The following ESRRG variants were observed in gnomAD, a reference collection of about 807,000 sequenced individuals.
The protein encoded by ESRRG is estrogen-related receptor gamma.
Under a neutral mutation model 44.0 loss-of-function variants are expected in ESRRG, and 13 were observed. That is an observed-to-expected ratio of 0.30 (90% CI 0.19 to 0.47). The LOEUF (loss-of-function observed/expected upper bound fraction) is 0.47. ESRRG is among the 20% of genes least tolerant of loss of function. The probability of loss-of-function intolerance (pLI) is 1.00; values close to 1 mark genes in which losing one functional copy is unlikely to be tolerated. For missense variants in ESRRG, 395 were observed against 580.6 expected (o/e 0.68, Z 3.29); for synonymous variants, 215 against 214.6 (o/e 1.00, Z -0.02).
chr1:216,551,744 T>C (rs929728473), intron 5 of ESRRG, among the ~76,000 whole-genome samples: 1 of 152,208 alleles, frequency 6.6e-6, no homozygotes, highest in African/African-American at 2.4e-5. Context: ...TGTTCAAAGA[T>C]GCTTCTATTT....
chr1:217,052,361 T>TG (rs1208561352), intron 1 of ESRRG, among the ~76,000 whole-genome samples: 1 of 152,202 alleles, frequency 6.6e-6, no homozygotes, highest in Non-Finnish European at 1.5e-5. Context: ...AAAGGCACTT[T>TG]GGGCAAGCCT....
chr1:216,862,804 G>A (rs967237502), intron 2 of ESRRG: 5 of 152,090 alleles, frequency 3.3e-5, no homozygotes, highest in African/African-American at 1.2e-4. Flanking sequence ...TTTGGGGTGA[G>A]ATCCCCGTTT....
intron 1 of ESRRG, among the ~76,000 whole-genome samples, chr1:216,680,613 G>A (rs1297609709): frequency 6.6e-6 from 1 of 152,206 alleles, no homozygotes; most frequent in Non-Finnish European, 1.5e-5. Context: ...CACCCAGGGT[G>A]TGCAGTGACA....
chr1:216,776,051 A>G (rs552179651), intron 2 of ESRRG, among the ~76,000 whole-genome samples: 42 of 152,030 alleles, frequency 2.8e-4, no homozygotes, highest in African/African-American at 1.0e-3. Context: ...TAAAATGGAG[A>G]GCTCTTCTTA....
At chr1:217,060,818 A>AGATAGATAGATAGATAGATGGAT (rs141474357) in intron 1 of ESRRG, among the ~76,000 whole-genome samples, 1 of 150,016 alleles carries the variant, frequency 6.7e-6, no homozygotes. Context: ...ATAGATAGAT[A>AGATAGATAGATAGATAGATGGAT]GATAGATAGA....
At chr1:216,912,269 AG>A (rs2060559670) in intron 2 of ESRRG, among the ~76,000 whole-genome samples, 1 of 94,810 alleles carries the variant, frequency 1.1e-5, no homozygotes. Context: ...AGGAGAGGGG[AG>A]GGGAGGAGAG....
At chr1:217,105,924 T>C (rs2092588185) in intron 1 of ESRRG, among the ~76,000 whole-genome samples, 1 of 152,186 alleles carries the variant, frequency 6.6e-6, no homozygotes, top group Admixed American at 6.5e-5. Flanking sequence ...TTTCACTTTC[T>C]AGGTAAACAG....
intron 1 of ESRRG, among the ~76,000 whole-genome samples, chr1:216,955,066 T>C (rs997231406): frequency 2.6e-5 from 4 of 152,152 alleles, no homozygotes; most frequent in Non-Finnish European, 5.9e-5. Context: ...AAAATTTCTC[T>C]TCTAGATTTT....
intron 2 of ESRRG, among the ~76,000 whole-genome samples, chr1:216,767,629 C>T (rs2093149666): frequency 6.6e-6 from 1 of 152,114 alleles, no homozygotes; most frequent in Admixed American, 6.6e-5. Flanking sequence ...AAGCAGATAA[C>T]TGAGTAACTA....
chr1:216,554,235 T>C (rs1456438242), intron 5 of ESRRG, among the ~76,000 whole-genome samples: 3 of 151,970 alleles, frequency 2.0e-5, no homozygotes, highest in African/African-American at 7.2e-5. Flanking sequence ...GGGTGGATCA[T>C]CTGAAGTCAG....
chr1:216,608,639 C>G (rs1213101243), intron 3 of ESRRG, among the ~76,000 whole-genome samples: 1 of 152,142 alleles, frequency 6.6e-6, no homozygotes, highest in Non-Finnish European at 1.5e-5. Flanking sequence ...AGCCAGTGTT[C>G]CATTTTTGGC....
rs555105829 is a variant in ESRRG at position 216,927,211 on chromosome 1, A to G, written c.-14+12371T>C. 7.9e-5 allele frequency among the ~76,000 whole-genome samples: 12 copies of G among 152,278 alleles called. No homozygotes were observed. The South Asian group carries it at 2.5e-3, about 32-fold the overall frequency. On this transcript the variant is annotated intron_variant, in intron 2 of 7. Transcript: ENST00000359162. ...ATGAATAGTGTATATACACTCTTCA[A>G]AGGCTCGATTTTTCTCTTTTGTAGC...
intron 2 of ESRRG, among the ~76,000 whole-genome samples, chr1:216,828,275 T>C (rs1027721433): frequency 3.3e-5 from 5 of 152,290 alleles, no homozygotes; most frequent in Non-Finnish European, 5.9e-5. Context: ...AATTTAAGGA[T>C]TGAAAACAAG....
At chr1:216,614,856 C>T (rs1406731833) in intron 3 of ESRRG, among the ~76,000 whole-genome samples, 1 of 152,174 alleles carries the variant, frequency 6.6e-6, no homozygotes, top group Non-Finnish European at 1.5e-5. Context: ...AGCATCTTAA[C>T]TTACTGAAGT....
intron 1 of ESRRG, among the ~76,000 whole-genome samples, chr1:217,096,161 A>G (rs539015450): frequency 7.9e-5 from 12 of 152,324 alleles, no homozygotes; most frequent in African/African-American, 2.6e-4. Flanking sequence ...TTTCTGAAAA[A>G]ACCTATCCAC....
At chr1:216,872,457 T>C (rs1312898297) in intron 2 of ESRRG, among the ~76,000 whole-genome samples, 1 of 152,188 alleles carries the variant, frequency 6.6e-6, no homozygotes, top group Non-Finnish European at 1.5e-5. Context: ...TTAAAAATTG[T>C]CCCACACATC....
chr1:217,046,233 C>T (rs151106226), intron 1 of ESRRG, among the ~76,000 whole-genome samples: 97 of 151,622 alleles, frequency 6.4e-4, no homozygotes, highest in African/African-American at 2.1e-3. Context: ...TAGCATAATA[C>T]CAGGAGATAC....
chr1:217,070,978 C>T lies in ESRRG; in HGVS notation c.-106+18529G>A, dbSNP rs75758711. On this transcript the variant is annotated intron_variant, in intron 1 of 7. Transcript: ENST00000359162. ...CTGGTGACCTGTTAAATGAGAGCCA[C>T]CTACTTCTGCCTTTCTCTTTCTTTC... Among the ~76,000 whole-genome samples, 543 of 152,248 alleles carry T rather than the reference C, an allele frequency of 3.6e-3. 3 individuals are homozygous for T. The highest frequency in any genetic ancestry group is 0.012 in the African/African-American group (500 of 41,546).
At chr1:216,626,642 C>T (rs936574718) in intron 3 of ESRRG, among the ~76,000 whole-genome samples, 19 of 152,230 alleles carry the variant, frequency 1.2e-4, no homozygotes, top group Admixed American at 3.3e-4. Context: ...GCAACCCTCC[C>T]GCCACATTTG....
Sources: gnomAD v4.1 joint callset for allele counts (sites outside exome capture counted in the v4.1 genomes callset) on GRCh38, gnomAD v4.1.1 for gene constraint, MANE v1.5 for transcripts, NCBI Gene and HGNC (gene_info 2026-07-23, HGNC 2026-07-21) for gene names.